The following ZNF350 variants were observed in gnomAD, a reference collection of about 807,000 sequenced individuals.
The protein encoded by ZNF350 is KRAB zinc finger protein ZFQR.
In ZNF350, 5 loss-of-function variants were observed where a neutral mutation model predicts 13.1. The ratio of observed to expected loss-of-function variants is 0.38; its 90% CI spans 0.20 to 0.80. The LOEUF (loss-of-function observed/expected upper bound fraction) is 0.80, where lower values mean the gene tolerates loss of function less well. Among genes scored for constraint, ZNF350 ranks in the 30% least tolerant of loss-of-function variants. ZNF350 has a pLI of 0.43. For missense variants in ZNF350, 534 were observed against 644.2 expected (o/e 0.83, Z 1.85); for synonymous variants, 199 against 224.2 (o/e 0.89, Z 1.00).
At position 51,974,313 on chromosome 19, in the gene ZNF350, A is replaced by G. The variant is rs754886440; in HGVS notation, c.15+33T>C. On this transcript the variant is annotated intron_variant, in intron 2 of 4. Coordinates refer to ENST00000243644, the MANE Select transcript of ZNF350 (RefSeq NM_021632.4). ...CTTCTACAAATCTATTATGGAACAA[A>G]GGAAAGAATAAAACAAACCAAAAGT... 1.2e-5 allele frequency: 19 copies of G among 1,611,846 alleles called. No individual in the cohort carries two copies. The East Asian group carries it at 4.2e-4, about 36-fold the overall frequency.
rs1423245568 is a variant in ZNF350 at position 51,974,546 on chromosome 19, G to A, written c.-171-15C>T. 1.6e-6 allele frequency: 1 copy of A among 634,832 alleles called. No homozygotes were observed. Among genetic ancestry groups the A allele is most frequent in the Admixed American group, 2.5e-5 (1 of 40,434 alleles). 39.3% of individuals were successfully genotyped at this position (634,832 alleles called of 1,614,324 possible). On this transcript the variant is annotated splice_polypyrimidine_tract_variant and intron_variant, in intron 1 of 4. Coordinates refer to ENST00000243644, the MANE Select transcript of ZNF350 (RefSeq NM_021632.4). ...GGAGTCAGAACCTGTGGGTTGAAGAGCAAATTCAATGTAAGTGGTACATTT... is the reference window on the plus strand; with the variant it reads ...GGAGTCAGAACCTGTGGGTTGAAGAACAAATTCAATGTAAGTGGTACATTT...
chr19:51,984,375 T>A (rs2086123201), intron 1 of ZNF350, among the ~76,000 whole-genome samples: 1 of 152,174 alleles, frequency 6.6e-6, no homozygotes, highest in South Asian at 2.1e-4. Flanking sequence ...CCAGATATTT[T>A]AAAGAGGCCA....
intron 1 of ZNF350, chr19:51,981,785 T>C (rs1203813769): frequency 1.3e-5 from 2 of 152,168 alleles, no homozygotes; most frequent in African/African-American, 2.4e-5. Flanking sequence ...ACCATATGTA[T>C]ACCCCTAACA....
In ZNF350 at chr19:51,965,990, CAG is replaced by C. The variant is rs760179317; in HGVS notation, c.461_462del (p.Ser154CysfsTer2). 1 of 1,614,006 alleles carries C rather than the reference CAG, an allele frequency of 6.2e-7. No individual in the cohort carries two copies. Among genetic ancestry groups the C allele is most frequent in the Non-Finnish European group, 8.5e-7 (1 of 1,180,048 alleles). ...GAGTCCCCATTTCCAGTAAACTCAA[CAG>C]AGTTCTTTATTTCATAGCCTTTGCT... Reference protein sequence around the residue: ...NQSKGYEIKNSVEFTGNGDSF... With the variant: ...NQSKGYEIKNXVEFTGNGDSF... On this transcript the variant is annotated frameshift_variant, in exon 5 of 5. Coordinates refer to ENST00000243644, the MANE Select transcript of ZNF350 (RefSeq NM_021632.4). LOFTEE classifies it low-confidence loss of function (END_TRUNC).
rs370722820 is a variant in ZNF350, at chr19:51,974,394, G to A, written c.-34C>T. ...GTTCTTGGAAGACAGCATTCAACTG[G>A]GATGGTCTGTCTTTGTATCTTCTGG... is the stretch of plus-strand genomic sequence containing the variant. On this transcript the variant is annotated 5_prime_UTR_variant, in exon 2 of 5. Transcript: ENST00000243644. 1.2e-6 allele frequency: 2 copies of A among 1,612,974 alleles called. No homozygotes were observed. Among genetic ancestry groups the A allele is most frequent in the African/African-American group, 2.7e-5 (2 of 74,874 alleles).
chr19:51,969,459 A>G (rs2085673481), intron 2 of ZNF350, among the ~76,000 whole-genome samples: 1 of 152,158 alleles, frequency 6.6e-6, no homozygotes, highest in African/African-American at 2.4e-5. Context: ...AATGAAAGAC[A>G]TATATACAGC....
In ZNF350 at chr19:51,976,909, A is replaced by C. The variant is rs1450129190; in HGVS notation, c.-171-2378T>G. The C allele has an allele frequency of 2.0e-5, 3 of 152,172 alleles. No homozygotes were observed. The highest frequency in any genetic ancestry group is 2.1e-4 in the South Asian group (1 of 4,824). The allele number at this position is 152,172 out of a possible 1,614,324, so 9.4% of individuals were successfully genotyped here. On this transcript the variant is annotated intron_variant, in intron 1 of 4. Transcript: ENST00000243644. This position sits in a 1 kb window ranked among gnomAD's most constrained non-coding sequence, Gnocchi z 4.5. ...TTTCTCCACTTGGAGTTTAGTTCGT[A>C]CTGTACTTCTGCCATTATCTCATTA...
rs776943401 is a variant in ZNF350 at position 51,965,431 on chromosome 19, G to A, written c.1022C>T (p.Thr341Ile). 10 of 1,613,962 alleles carry A rather than the reference G, an allele frequency of 6.2e-6. No individual in the cohort carries two copies. Among genetic ancestry groups the A allele is most frequent in the Admixed American group, 1.7e-5 (1 of 60,020 alleles). ...ACTGCACACAAAGGGCGTCTTTCCTGTGTGAAATCTCTGATGTGCTATGAG... is the reference window on the plus strand; with the variant it reads ...ACTGCACACAAAGGGCGTCTTTCCTATGTGAAATCTCTGATGTGCTATGAG... ...TCLIAHQRFH[T>I]GKTPFVCSEC... is the part of the protein sequence containing the mutation. The change falls in exon 5 of 5, where the codon ACA (threonine) becomes ATA (isoleucine). Residue 341 changes from threonine (T) to isoleucine (I), a missense_variant. Coordinates refer to ENST00000243644, the MANE Select transcript of ZNF350 (RefSeq NM_021632.4).
At chr19:51,970,179 A>C (rs924553134) in intron 2 of ZNF350, among the ~76,000 whole-genome samples, 2 of 150,084 alleles carry the variant, frequency 1.3e-5, no homozygotes, top group African/African-American at 4.9e-5. Flanking sequence ...CTCCTGCCTC[A>C]GCCTCCCGAG....
chr19:51,966,371 CT>C (rs1484033830), intron 4 of ZNF350, among the ~76,000 whole-genome samples, 157 bp from the exon 5 acceptor site: 2 of 150,204 alleles, frequency 1.3e-5, no homozygotes, highest in Admixed American at 6.6e-5. Context: ...GCAACCTCTG[CT>C]TCCCGGGTTC....
At chr19:51,975,899 C>G (rs1029973821) in intron 1 of ZNF350, among the ~76,000 whole-genome samples, 2 of 152,198 alleles carry the variant, frequency 1.3e-5, no homozygotes, top group African/African-American at 4.8e-5. Context: ...GGCTCGTGGC[C>G]CGTGGGACGT....
rs113301052 is a variant in ZNF350, at chr19:51,964,485, T to G, written c.*369A>C. The G allele has an allele frequency of 2.5e-3, 586 of 232,376 alleles. 6 individuals carry two copies. Among genetic ancestry groups the G allele is most frequent in the African/African-American group, 0.012 (534 of 44,142 alleles). The allele number at this position is 232,376 out of a possible 1,614,324, so 14.4% of individuals were successfully genotyped here. ...TCTAAGGAAACTGAATTGACACATA[T>G]GTGTCCCACATTCCACCATTACAGT... On this transcript the variant is annotated 3_prime_UTR_variant, in exon 5 of 5. Transcript: ENST00000243644.
chr19:51,978,811 G>A (rs551734620), intron 1 of ZNF350, among the ~76,000 whole-genome samples: 6 of 152,226 alleles, frequency 3.9e-5, no homozygotes, highest in South Asian at 4.1e-4. Flanking sequence ...TCTGACTCCC[G>A]GTATGGATGG....
intron 2 of ZNF350, among the ~76,000 whole-genome samples, chr19:51,969,490 G>T (rs572695532): frequency 6.6e-6 from 1 of 151,946 alleles, no homozygotes; most frequent in Non-Finnish European, 1.5e-5. Context: ...TATCTGTAGG[G>T]TATTGGTTCC....
rs116738600 is a variant in ZNF350 at position 51,982,692 on chromosome 19, G to A, written c.-172+4078C>T. On this transcript the variant is annotated intron_variant, in intron 1 of 4. Transcript: ENST00000243644. ...AAATAGCTATAAACTTTTTTTTAAAGTTTGAAAAAAAAGTTAGAAGACTTG... is the reference window on the plus strand; with the variant it reads ...AAATAGCTATAAACTTTTTTTTAAAATTTGAAAAAAAAGTTAGAAGACTTG... 3.6e-3 allele frequency among the ~76,000 whole-genome samples: 553 copies of A among 151,846 alleles called. 2 individuals carry two copies. Among genetic ancestry groups the A allele is most frequent in the African/African-American group, 0.012 (508 of 41,440 alleles).
intron 4 of ZNF350, among the ~76,000 whole-genome samples, chr19:51,966,644 G>T (rs1019853533): frequency 0.012 from 1,754 of 145,950 alleles, 43 homozygotes; most frequent in African/African-American, 0.043. Flanking sequence ...AGTATTTTTT[G>T]TTGTTTTTTT....
Position 51,974,392 on chromosome 19 carries a change from T to G in ZNF350, c.-32A>C. ...CTGTTCTTGGAAGACAGCATTCAAC[T>G]GGGATGGTCTGTCTTTGTATCTTCT... On this transcript the variant is annotated 5_prime_UTR_variant, in exon 2 of 5. Coordinates refer to ENST00000243644, the MANE Select transcript of ZNF350 (RefSeq NM_021632.4). 1 of 1,613,434 alleles carries G rather than the reference T, an allele frequency of 6.2e-7. No individual in the cohort carries two copies.
At chr19:51,977,386 G>A (rs2085922606) in intron 1 of ZNF350, among the ~76,000 whole-genome samples, 1 of 152,202 alleles carries the variant, frequency 6.6e-6, no homozygotes, top group African/African-American at 2.4e-5. Flanking sequence ...GTCTGCTAGT[G>A]CATATCTGAC....
In ZNF350 at chr19:51,968,591, A is replaced by G. The variant is rs150553787; in HGVS notation, c.225T>C (p.Ser75=). The G allele has an allele frequency of 1.2e-4, 189 of 1,614,010 alleles. No homozygotes were observed. Among genetic ancestry groups the G allele is most frequent in the Non-Finnish European group, 1.5e-4 (172 of 1,179,966 alleles). The change falls in exon 4 of 5, where the codon AGT becomes AGC. Residue 75 remains serine, a synonymous_variant. Transcript: ENST00000243644. ...QLWTIEDGIH[S]GACSDIWKVD... ...GGGTTCTCTCACCTGAACAGGCTCCACTGTGGATTCCATCTTCAATTGTCC... is the reference window on the plus strand; with the variant it reads ...GGGTTCTCTCACCTGAACAGGCTCCGCTGTGGATTCCATCTTCAATTGTCC...
Sources: allele counts gnomAD v4.1 joint callset (sites outside exome capture counted in the v4.1 genomes callset), GRCh38; gene constraint gnomAD v4.1.1; non-coding constraint Gnocchi (gnomAD v3.1); transcripts MANE v1.5; gene names NCBI Gene and HGNC (gene_info 2026-07-23, HGNC 2026-07-21).